PCBP3: variants seen among roughly 807,000 people sequenced by gnomAD.
PCBP3 encodes the protein poly(rC)-binding protein 3.
Under a neutral mutation model 52.7 loss-of-function variants are expected in PCBP3, and 25 were observed. The observed-to-expected ratio is 0.47, with a 90% confidence interval of 0.35 to 0.66. PCBP3 has a LOEUF of 0.66. Among genes scored for constraint, PCBP3 ranks in the 30% least tolerant of loss-of-function variants. The probability of loss-of-function intolerance (pLI) is 0.01; values close to 1 mark genes in which losing one functional copy is unlikely to be tolerated. For synonymous variants in PCBP3, 162 were observed against 183.0 expected, an observed-to-expected ratio of 0.89 and a Z score of 0.93; for missense variants, 391 against 490.3, an observed-to-expected ratio of 0.80 and a Z score of 1.91.
intron 4 of PCBP3, among the ~76,000 whole-genome samples, chr21:45,768,046 T>C (rs2089517857): frequency 6.6e-6 from 1 of 152,266 alleles, no homozygotes; most frequent in Admixed American, 6.5e-5. Flanking sequence ...GGTGCCAGTG[T>C]CCTTGCTGCC....
intron 1 of PCBP3, among the ~76,000 whole-genome samples, chr21:45,648,665 T>C (rs1160064700): frequency 7.9e-5 from 12 of 152,244 alleles, no homozygotes; most frequent in Non-Finnish European, 1.8e-4. Flanking sequence ...TAATCCTTCG[T>C]AGCTTCAGAT....
At chr21:45,909,513 G>T (rs200185743) in intron 10 of PCBP3, 27 bp downstream of exon 10, 1 of 1,606,786 alleles carries the variant, frequency 6.2e-7, no homozygotes, top group South Asian at 1.1e-5. Flanking sequence ...AGCCTGGGCC[G>T]CTGCGGAGCC....
intron 4 of PCBP3, among the ~76,000 whole-genome samples, chr21:45,808,843 G>A (rs754651255): frequency 1.2e-4 from 18 of 152,116 alleles, no homozygotes; most frequent in Non-Finnish European, 1.8e-4. Flanking sequence ...TATATACCAC[G>A]GAATACTATG....
rs79255154 is a variant in PCBP3 at position 45,853,750 on chromosome 21, C to T, written c.10+3655C>T. ...ACCATTCTGCCTGTGTGAGTACAGA[C>T]GCGTGCATAGGAAATTAAATACACA... On this transcript the variant is annotated intron_variant, in intron 5 of 17. Transcript: ENST00000681687. The surrounding 1 kb of genome is among the most constrained non-coding windows in gnomAD (Gnocchi z 4.6). Among the ~76,000 whole-genome samples, 1,073 of 152,226 alleles carry T rather than the reference C, an allele frequency of 7.0e-3. 15 individuals are homozygous for T. The highest frequency in any genetic ancestry group is 0.025 in the African/African-American group (1,017 of 41,510).
chr21:45,733,085 G>A (rs2085579601), intron 2 of PCBP3, among the ~76,000 whole-genome samples: 1 of 152,146 alleles, frequency 6.6e-6, no homozygotes, highest in Admixed American at 6.5e-5. Flanking sequence ...TATTCTGTCT[G>A]TACATTGACT....
chr21:45,927,360 G>A (rs1259815762), intron 13 of PCBP3, among the ~76,000 whole-genome samples: 11 of 640 alleles, frequency 0.017, no homozygotes, highest in Non-Finnish European at 0.03. Flanking sequence ...CCTCCCTCTC[G>A]CCTGCCTACC....
In PCBP3 at chr21:45,821,445, G is replaced by A. The variant is rs1413393838; in HGVS notation, c.-125-28516G>A. ...CCCCCTGCACCGTGCTGTGGGCCCCGCACCTTCCCCCAACTCTTTTCTAGA... is the reference window on the plus strand; with the variant it reads ...CCCCCTGCACCGTGCTGTGGGCCCCACACCTTCCCCCAACTCTTTTCTAGA... On this transcript the variant is annotated intron_variant, in intron 4 of 17. Transcript: ENST00000681687. This position sits in a 1 kb window ranked among gnomAD's most constrained non-coding sequence, Gnocchi z 4.4. Among the ~76,000 whole-genome samples the A allele has an allele frequency of 5.6e-5, 7 of 125,666 alleles. No individual in the cohort carries two copies. The highest frequency in any genetic ancestry group is 3.7e-4 in the Admixed American group (4 of 10,816). The allele number at this position is 125,666 out of a possible 152,430, so 82.4% of individuals were successfully genotyped here.
intron 4 of PCBP3, among the ~76,000 whole-genome samples, chr21:45,787,817 A>G (rs2091264750): frequency 6.6e-6 from 1 of 152,204 alleles, no homozygotes; most frequent in Non-Finnish European, 1.5e-5. Context: ...CAAATGTGTT[A>G]CCAGATTTTT....
chr21:45,646,107 C>CTGTGTGTGTGTGTGTGTGTGTG (rs765931494), intron 1 of PCBP3, among the ~76,000 whole-genome samples: 1 of 83,780 alleles, frequency 1.2e-5, no homozygotes, highest in East Asian at 3.5e-4. Flanking sequence ...CTCTCTCTCT[C>CTGTGTGTGTGTGTGTGTGTGTG]TGTGTGTGTG....
intron 14 of PCBP3, among the ~76,000 whole-genome samples, chr21:45,930,567 CTGCAGAGGCAG>C (rs2076047956): frequency 6.6e-6 from 1 of 152,208 alleles, no homozygotes; most frequent in South Asian, 2.1e-4. Context: ...GTGTCCCTCC[CTGCAGAGGCAG>C]CGCCATGCCT....
At chr21:45,716,703 G>T (rs773282895) in intron 2 of PCBP3, among the ~76,000 whole-genome samples, 11 of 152,118 alleles carry the variant, frequency 7.2e-5, no homozygotes, top group Non-Finnish European at 1.5e-4. Context: ...CAACACATGG[G>T]TTTTGTGGGG....
At chr21:45,727,421 G>A (rs1226486548) in intron 2 of PCBP3, among the ~76,000 whole-genome samples, 1 of 152,188 alleles carries the variant, frequency 6.6e-6, no homozygotes, top group Non-Finnish European at 1.5e-5. Context: ...TGTCATGAAG[G>A]AAGAAAGTGT....
At chr21:45,922,634 G>A (rs891169150) in intron 13 of PCBP3, among the ~76,000 whole-genome samples, 20 of 152,254 alleles carry the variant, frequency 1.3e-4, no homozygotes, top group African/African-American at 4.1e-4. Flanking sequence ...CTTACTTAAC[G>A]TCCCCATCAT....
intron 5 of PCBP3, among the ~76,000 whole-genome samples, chr21:45,857,301 A>G (rs372260093): frequency 5.3e-5 from 8 of 152,334 alleles, no homozygotes; most frequent in African/African-American, 1.7e-4. Context: ...AAGTCACAAT[A>G]TAGGGTTAAA....
At chr21:45,644,242 A>G (rs903538281) in intron 1 of PCBP3, among the ~76,000 whole-genome samples, 1 of 151,518 alleles carries the variant, frequency 6.6e-6, no homozygotes, top group African/African-American at 2.4e-5. Context: ...CTTGATTGAG[A>G]AGAGATCTGG....
chr21:45,758,427 T>C (rs2088287261), intron 4 of PCBP3, among the ~76,000 whole-genome samples: 1 of 152,204 alleles, frequency 6.6e-6, no homozygotes, highest in South Asian at 2.1e-4. Context: ...ATATGAAGTC[T>C]TTCAGTCAGG....
Position 45,911,181 on chromosome 21 carries a change from C to T in PCBP3, c.600+151C>T, listed in dbSNP as rs763522066. ...GACCCCAAGTCAGCCTGAGCGAGAG[C>T]GGTGCCGGTATGGGCGCCACAGGGG... is the stretch of plus-strand genomic sequence containing the variant. On this transcript the variant is annotated intron_variant, in intron 11 of 17. Coordinates refer to ENST00000681687, the MANE Select transcript of PCBP3 (RefSeq NM_001384156.1). The T allele has an allele frequency of 8.6e-5, 76 of 884,540 alleles. No homozygotes were observed. The South Asian group carries it at 9.1e-4, about 11-fold the overall frequency. The allele number at this position is 884,540 out of a possible 1,614,324, so 54.8% of individuals were successfully genotyped here.
intron 5 of PCBP3, among the ~76,000 whole-genome samples, chr21:45,865,565 G>A (rs1018122614): frequency 9.2e-5 from 14 of 152,186 alleles, no homozygotes; most frequent in African/African-American, 2.7e-4. Flanking sequence ...CTCATGCAGC[G>A]GCGTGTCCTC....
chr21:45,687,065 A>G (rs2082196275), intron 2 of PCBP3, among the ~76,000 whole-genome samples: 1 of 152,150 alleles, frequency 6.6e-6, no homozygotes, highest in Non-Finnish European at 1.5e-5. Context: ...GATAAAGAAA[A>G]CCATATTGAG....
Sources: gnomAD v4.1 joint callset for allele counts (sites outside exome capture counted in the v4.1 genomes callset) on GRCh38, gnomAD v4.1.1 for gene constraint, Gnocchi (gnomAD v3.1) non-coding constraint, MANE v1.5 for transcripts, NCBI Gene and HGNC (gene_info 2026-07-23, HGNC 2026-07-21) for gene names.